Variants in THUMPD2 observed in about 807,000 individuals in gnomAD.
The protein encoded by THUMPD2 is THUMP domain 2 tRNA and snRNA guanosine methyltransferase, also known as U6 snRNA (guanine-N(2))-methyltransferase THUMPD2.
A neutral mutation model predicts 49.4 loss-of-function variants in THUMPD2; 56 were observed. The ratio of observed to expected loss-of-function variants is 1.13; its 90% CI spans 0.91 to 1.41. The LOEUF is 1.41. Ranked by LOEUF, THUMPD2 falls within the 40% of genes most tolerant of loss-of-function variation. The pLI, the probability that THUMPD2 is intolerant of heterozygous loss-of-function variation, is 0.00. For missense variants in THUMPD2, 709 were observed against 594.5 expected (o/e 1.19, Z -2.00); for synonymous variants, 237 against 205.2 (o/e 1.15, Z -1.32).
intron 5 of THUMPD2, among the ~76,000 whole-genome samples, chr2:39,761,916 A>C (rs1173939254): frequency 6.6e-6 from 1 of 152,180 alleles, no homozygotes; most frequent in Non-Finnish European, 1.5e-5. Flanking sequence ...GAAATGAAGC[A>C]TGACATTGCA....
At position 39,779,185 on chromosome 2, in the gene THUMPD2, A is replaced by T; in HGVS notation, c.55T>A (p.Phe19Ile). 2.6e-6 allele frequency: 4 copies of T among 1,519,060 alleles called. No homozygotes were observed. The highest frequency in any genetic ancestry group is 3.5e-6 in the Non-Finnish European group (4 of 1,138,858). 94.1% of individuals were successfully genotyped at this position (1,519,060 alleles called of 1,614,324 possible). Residue 19 changes from phenylalanine to isoleucine, a missense_variant, in exon 1 of 10, where the codon TTC becomes ATC. Transcript: ENST00000505747. ...TCCAGGCCGCGACCCGCAGTGCAGA[A>T]GAATCGGGCGCCAGCCTCAGGCCCG... ...GSGPEAGARF[F>I]CTAGRGLEPF...
intron 8 of THUMPD2, among the ~76,000 whole-genome samples, chr2:39,751,339 T>A (rs1322662141): frequency 6.6e-6 from 1 of 152,238 alleles, no homozygotes; most frequent in Non-Finnish European, 1.5e-5. Context: ...TGGAAACACT[T>A]GAGAACAAAG....
rs181445010 is a variant in THUMPD2 at position 39,757,130 on chromosome 2, G to C, written c.892-1170C>G. On this transcript the variant is annotated intron_variant, in intron 6 of 9. Coordinates refer to ENST00000505747, the MANE Select transcript of THUMPD2 (RefSeq NM_025264.5). Reference sequence around the variant, plus strand: ...TCTGTACTCTTACAGGAATGAGAGGGAGAGAACTCTGACTGGGGTGATCTG... The same window carrying C: ...TCTGTACTCTTACAGGAATGAGAGGCAGAGAACTCTGACTGGGGTGATCTG... 5 of 327,456 alleles carry C rather than the reference G, an allele frequency of 1.5e-5. No homozygotes were observed. The Admixed American group carries it at 2.1e-4, about 14-fold the overall frequency. 20.3% of individuals were successfully genotyped at this position (327,456 alleles called of 1,614,324 possible). A position where few individuals can be genotyped will look rare whatever the true frequency, so the allele number is the denominator to read the frequency against.
intron 3 of THUMPD2, chr2:39,769,050 T>C (rs761317124): frequency 7.7e-7 from 1 of 1,304,658 alleles, no homozygotes; most frequent in South Asian, 1.2e-5. Context: ...AGACCTCATG[T>C]GCATTTGCAG....
chr2:39,739,164 T>C (rs1673557465), intron 9 of THUMPD2, among the ~76,000 whole-genome samples: 1 of 152,168 alleles, frequency 6.6e-6, no homozygotes, highest in Admixed American at 6.5e-5. Flanking sequence ...TGTAAATTCT[T>C]TGCTAACTCC....
chr2:39,746,492 C>A (rs1674614659), intron 8 of THUMPD2, among the ~76,000 whole-genome samples: 1 of 152,146 alleles, frequency 6.6e-6, no homozygotes, highest in Non-Finnish European at 1.5e-5. Context: ...ACAGTAAAAT[C>A]TTTTAAATTA....
At chr2:39,749,631 A>T (rs1431142360) in intron 8 of THUMPD2, among the ~76,000 whole-genome samples, 1 of 152,128 alleles carries the variant, frequency 6.6e-6, no homozygotes, top group Non-Finnish European at 1.5e-5. Flanking sequence ...GTTCCAGGGT[A>T]TATGTGCAGG....
chr2:39,766,231 T>G, intron 4 of THUMPD2, 122 bp from the exon 5 acceptor site: 5 of 579,108 alleles, frequency 8.6e-6, no homozygotes, highest in Non-Finnish European at 8.7e-6. Flanking sequence ...TCCAAGGCCT[T>G]ATTCATCATA....
chr2:39,765,311 T>C (rs7559933), intron 5 of THUMPD2, among the ~76,000 whole-genome samples: 148,579 of 152,142 alleles, frequency 0.98, 72,653 homozygotes, highest in Middle Eastern at 1. Flanking sequence ...AGGTGCCTGC[T>C]ACCATACCCA....
intron 8 of THUMPD2, among the ~76,000 whole-genome samples, chr2:39,745,015 TTG>T (rs1478878124): frequency 8.5e-5 from 13 of 152,124 alleles, no homozygotes; most frequent in East Asian, 5.8e-4. Flanking sequence ...CTAAAAATTA[TTG>T]TGTCTGATTA....
rs116266651 is a variant in THUMPD2, at chr2:39,740,121, T to C, written c.1188-3062A>G. Among the ~76,000 whole-genome samples, 1,017 of 152,298 alleles carry C rather than the reference T, an allele frequency of 6.7e-3. 10 individuals are homozygous for C. Among genetic ancestry groups the C allele is most frequent in the African/African-American group, 0.022 (928 of 41,548 alleles). ...TCTTTCTAAGTATGCTCTATAACAC[T>C]GTCATTTTGCAGATGAAGAAACTGT... On this transcript the variant is annotated intron_variant, in intron 9 of 9. Transcript: ENST00000505747.
intron 8 of THUMPD2, among the ~76,000 whole-genome samples, chr2:39,748,335 T>C (rs1266352161): frequency 1.3e-5 from 2 of 152,242 alleles, no homozygotes; most frequent in Non-Finnish European, 2.9e-5. Flanking sequence ...AAGTGTACTG[T>C]TATGCAGAAG....
At chr2:39,775,435 T>G (rs1428886792) in intron 1 of THUMPD2, among the ~76,000 whole-genome samples, 2 of 152,144 alleles carry the variant, frequency 1.3e-5, no homozygotes, top group Non-Finnish European at 2.9e-5. Context: ...TTGGTTTATT[T>G]TAGAAGAAGG....
intron 6 of THUMPD2, among the ~76,000 whole-genome samples, chr2:39,758,671 C>CT (rs1202832673): frequency 3.9e-5 from 6 of 151,988 alleles, no homozygotes; most frequent in African/African-American, 1.5e-4. Context: ...GCCAGAGATC[C>CT]ATTTGCCTTT....
chr2:39,761,579 G>C (rs1289379221), intron 5 of THUMPD2, among the ~76,000 whole-genome samples, 161 bp from the exon 6 acceptor site: 1 of 152,100 alleles, frequency 6.6e-6, no homozygotes, highest in Admixed American at 6.6e-5. Flanking sequence ...TACAAAAATT[G>C]CTTCTCTAAT....
intron 3 of THUMPD2, chr2:39,768,925 G>A: frequency 2.3e-6 from 3 of 1,302,850 alleles, no homozygotes; most frequent in Non-Finnish European, 3.0e-6. Flanking sequence ...CTGATTTTAA[G>A]GTTGATAAAG....
chr2:39,752,533 C>G (rs1481405672), intron 8 of THUMPD2, among the ~76,000 whole-genome samples: 1 of 152,162 alleles, frequency 6.6e-6, no homozygotes, highest in African/African-American at 2.4e-5. Flanking sequence ...TGAATGTTTA[C>G]CTCTGAAGTA....
chr2:39,743,791 G>A (rs990753526), intron 9 of THUMPD2, among the ~76,000 whole-genome samples: 2 of 152,180 alleles, frequency 1.3e-5, no homozygotes, highest in Non-Finnish European at 2.9e-5. Context: ...TTTACAGACT[G>A]CAGAATCATG....
intron 1 of THUMPD2, 40 bp downstream of exon 1, chr2:39,779,074 G>T: frequency 6.8e-7 from 1 of 1,480,318 alleles, no homozygotes; most frequent in Admixed American, 2.3e-5. Context: ...GCAGGGACAG[G>T]GCCGCCCACC....
Sources: gnomAD v4.1 joint callset for allele counts (sites outside exome capture counted in the v4.1 genomes callset) on GRCh38, gnomAD v4.1.1 for gene constraint, MANE v1.5 for transcripts, NCBI Gene and HGNC (gene_info 2026-07-23, HGNC 2026-07-21) for gene names.